The following TEX14 variants were observed in gnomAD, a reference collection of about 807,000 sequenced individuals.
TEX14 encodes testis expressed 14, intercellular bridge forming factor, also known as inactive serine/threonine-protein kinase TEX14.
A neutral mutation model predicts 178.6 loss-of-function variants in TEX14; 168 were observed. The ratio of observed to expected loss-of-function variants is 0.94; its 90% confidence interval spans 0.83 to 1.07. The LOEUF is 1.07. Among genes scored for constraint, TEX14 ranks in the 50% least tolerant of loss-of-function variants. The probability of loss-of-function intolerance (pLI) is 0.00; values close to 1 mark genes in which losing one functional copy is unlikely to be tolerated. For synonymous variants in TEX14, 626 were observed against 634.1 expected (o/e 0.99, Z 0.19); for missense variants, 1,730 against 1,753.6 (o/e 0.99, Z 0.24).
chr17:58,664,033 C>T (rs543825302), intron 1 of TEX14, among the ~76,000 whole-genome samples: 231 of 152,246 alleles, frequency 1.5e-3, no homozygotes, highest in Non-Finnish European at 9.4e-4. Flanking sequence ...CTGTCTTAAC[C>T]GCTCCCCCAG....
At chr17:58,571,078 G>A (rs917969625) in intron 24 of TEX14, among the ~76,000 whole-genome samples, 4 of 152,226 alleles carry the variant, frequency 2.6e-5, no homozygotes, top group Admixed American at 1.3e-4. Context: ...AAGAGGGCCT[G>A]ACATGGTGCT....
chr17:58,617,616 G>C lies in TEX14; in HGVS notation c.558C>G (p.Asn186Lys). The stretch of plus-strand genomic sequence containing the variant: ...GCAGTCGGTTAGGAGAGCCATTAGG[G>C]TTTCTAGAAATATTTAAAACAGGAA... Reference protein sequence around the residue: ...PSWCGGLVQGNPNGSPNRLLK... With the variant: ...PSWCGGLVQGKPNGSPNRLLK... Residue 186 changes from asparagine (N) to lysine (K), a missense_variant, in exon 6 of 32, where the codon AAC becomes AAG. Coordinates refer to ENST00000349033, the MANE Select transcript of TEX14 (RefSeq NM_031272.5). The C allele has an allele frequency of 6.2e-7, 1 of 1,609,664 alleles. No homozygotes were observed. Among genetic ancestry groups the C allele is most frequent in the Non-Finnish European group, 8.5e-7 (1 of 1,176,992 alleles).
chr17:58,565,679 T>C, intron 27 of TEX14, 68 bp downstream of exon 27: 1 of 1,153,952 alleles, frequency 8.7e-7, no homozygotes. Context: ...CTTCCCTATA[T>C]GTACCACTGT....
chr17:58,603,769 G>C (rs534245343), intron 11 of TEX14, among the ~76,000 whole-genome samples: 5 of 147,510 alleles, frequency 3.4e-5, no homozygotes, highest in African/African-American at 1.3e-4. Context: ...CAGGAGAATC[G>C]CTTGAACCCG....
intron 1 of TEX14, among the ~76,000 whole-genome samples, chr17:58,689,499 G>C (rs1419670011): frequency 2.0e-5 from 3 of 152,174 alleles, no homozygotes; most frequent in Non-Finnish European, 2.9e-5. Context: ...GATTACAGGA[G>C]TGAGCCACCG....
At chr17:58,603,882 T>C (rs2144489462) in intron 11 of TEX14, among the ~76,000 whole-genome samples, 1 of 140,184 alleles carries the variant, frequency 7.1e-6, no homozygotes, top group East Asian at 2.1e-4. Context: ...CTTAATGTGA[T>C]TTTACTGTGT....
chr17:58,603,714 C>A (rs2045530233), intron 11 of TEX14, among the ~76,000 whole-genome samples: 1 of 151,280 alleles, frequency 6.6e-6, no homozygotes, highest in Non-Finnish European at 1.5e-5. Flanking sequence ...ATTAGCCGGG[C>A]ATGGTGGCAC....
At chr17:58,605,260 C>G (rs2045579850) in intron 10 of TEX14, 131 bp from the exon 11 acceptor site, 2 of 1,040,380 alleles carry the variant, frequency 1.9e-6, no homozygotes, top group South Asian at 1.7e-5. Flanking sequence ...AGCGTGATCT[C>G]AGCTCACTGC....
In TEX14 at chr17:58,603,887, CTGTGTGTGTGTGTGTGTGTGTGTGTG is replaced by C. The variant is rs71143257; in HGVS notation, c.1336+1065_1336+1090del. On this transcript the variant is annotated intron_variant, in intron 11 of 31. Coordinates refer to ENST00000349033, the MANE Select transcript of TEX14 (RefSeq NM_031272.5). ...AAAAGCAGCCCTTAATGTGATTTTACTGTGTGTGTGTGTGTGTGTGTGTGTGTGTGTGTGTGTGTGTGTGTGTGTGT... is the reference window on the plus strand; with the variant it reads ...AAAAGCAGCCCTTAATGTGATTTTACTGTGTGTGTGTGTGTGTGTGTGTGT... Among the ~76,000 whole-genome samples, 158 of 105,288 alleles carry C rather than the reference CTGTGTGTGTGTGTGTGTGTGTGTGTG, an allele frequency of 1.5e-3. 1 individual carries two copies. Among genetic ancestry groups the C allele is most frequent in the South Asian group, 7.0e-3 (18 of 2,560 alleles). 69.1% of individuals were successfully genotyped at this position (105,288 alleles called of 152,430 possible). A position where few individuals can be genotyped will look rare whatever the true frequency, so the allele number is the denominator to read the frequency against.
At chr17:58,604,887 T>A in intron 11 of TEX14, 91 bp downstream of exon 11, 1 of 1,422,072 alleles carries the variant, frequency 7.0e-7, no homozygotes, top group Non-Finnish European at 9.8e-7. Flanking sequence ...ATAAGTCTTC[T>A]ATTTTCATAA....
chr17:58,562,679 A>T (rs966944479), intron 28 of TEX14, among the ~76,000 whole-genome samples: 1 of 151,814 alleles, frequency 6.6e-6, no homozygotes, highest in African/African-American at 2.4e-5. Context: ...TAATTTTTTT[A>T]TATATAATTT....
chr17:58,602,090 C>A, intron 12 of TEX14, 134 bp from the exon 13 acceptor site: 1 of 908,230 alleles, frequency 1.1e-6, no homozygotes. Flanking sequence ...TCCTAATTAA[C>A]TAGTTTATTG....
chr17:58,689,566 G>C (rs2047657347), intron 1 of TEX14, among the ~76,000 whole-genome samples: 1 of 152,016 alleles, frequency 6.6e-6, no homozygotes, highest in Non-Finnish European at 1.5e-5. Context: ...AAATTTTAAT[G>C]ATTTATCCAC....
At chr17:58,686,921 T>C (rs1009360918) in intron 1 of TEX14, among the ~76,000 whole-genome samples, 1 of 117,580 alleles carries the variant, frequency 8.5e-6, no homozygotes, top group African/African-American at 3.3e-5. Context: ...TCACCCACCC[T>C]AGAGCGCAGG....
In TEX14 at chr17:58,602,673, T is replaced by C. The variant is rs1363981913; in HGVS notation, c.1337-83A>G. 3.5e-6 allele frequency: 4 copies of C among 1,132,774 alleles called. No homozygotes were observed. The Admixed American group carries it at 7.2e-5, about 20-fold the overall frequency. The allele number at this position is 1,132,774 out of a possible 1,614,324, so 70.2% of individuals were successfully genotyped here. A position where few individuals can be genotyped will look rare whatever the true frequency, so the allele number is the denominator to read the frequency against. ...GGAAAAGAAATCAGATGAAGCTGGG[T>C]AACCTTAGGCAAGTCACTTAACTTC... On this transcript the variant is annotated intron_variant, in intron 11 of 31. Coordinates refer to ENST00000349033, the MANE Select transcript of TEX14 (RefSeq NM_031272.5).
At chr17:58,600,249 C>T (rs984338452) in intron 13 of TEX14, among the ~76,000 whole-genome samples, 2 of 151,978 alleles carry the variant, frequency 1.3e-5, no homozygotes, top group Non-Finnish European at 2.9e-5. Flanking sequence ...TAGGGCCAGG[C>T]GTGGTGGTTC....
At chr17:58,629,015 C>G (rs2046217574) in intron 3 of TEX14, among the ~76,000 whole-genome samples, 1 of 152,172 alleles carries the variant, frequency 6.6e-6, no homozygotes, top group Admixed American at 6.5e-5. Context: ...TGAAAATCAG[C>G]TTGAATCACT....
chr17:58,627,613 A>C (rs1461479937), intron 3 of TEX14, among the ~76,000 whole-genome samples: 1 of 151,956 alleles, frequency 6.6e-6, no homozygotes, highest in Non-Finnish European at 1.5e-5. Context: ...TCTACTAAAA[A>C]TACAAAATTA....
At position 58,557,869 on chromosome 17, in the gene TEX14, G is replaced by A. The variant is rs117072706; in HGVS notation, c.4268-19C>T. On this transcript the variant is annotated intron_variant, in intron 30 of 31. Coordinates refer to ENST00000349033, the MANE Select transcript of TEX14 (RefSeq NM_031272.5). ...AGTTCATCTTGATGAAATATAAGAG[G>A]AAGGAAAAAACAACATGATTAATTT... 25 of 1,603,110 alleles carry A rather than the reference G, an allele frequency of 1.6e-5. No homozygotes were observed. The highest frequency in any genetic ancestry group is 3.4e-5 in the Admixed American group (2 of 59,146).
Sources: gnomAD v4.1 joint callset for allele counts (sites outside exome capture counted in the v4.1 genomes callset) on GRCh38, gnomAD v4.1.1 for gene constraint, MANE v1.5 for transcripts, NCBI Gene and HGNC (gene_info 2026-07-23, HGNC 2026-07-21) for gene names.